DENND2A: variants seen among roughly 807,000 people sequenced by gnomAD.
The protein encoded by DENND2A is DENN domain-containing protein 2A.
Under a neutral mutation model 105.3 loss-of-function variants are expected in DENND2A, and 53 were observed. The observed-to-expected ratio is 0.50, with a 90% CI of 0.40 to 0.63. DENND2A has a LOEUF of 0.63. Ranked by LOEUF, DENND2A falls within the 30% of genes least tolerant of loss-of-function variation. The pLI is 0.00. For missense variants in DENND2A, 1,138 were observed against 1,279.6 expected (o/e 0.89, Z 1.69); for synonymous variants, 522 against 508.4 (o/e 1.03, Z -0.36).
At chr7:140,590,815 T>A (rs975100659) in intron 3 of DENND2A, among the ~76,000 whole-genome samples, 2 of 151,758 alleles carry the variant, frequency 1.3e-5, no homozygotes, top group African/African-American at 4.8e-5. Context: ...CAGGTTGCAG[T>A]GAGCTGAGAT....
chr7:140,620,947 T>C (rs1376972699), intron 1 of DENND2A, among the ~76,000 whole-genome samples: 1 of 152,228 alleles, frequency 6.6e-6, no homozygotes, highest in Non-Finnish European at 1.5e-5. Flanking sequence ...GTCACTCAGA[T>C]ATCAACATTC....
At chr7:140,576,722 C>T (rs1237765421) in intron 5 of DENND2A, among the ~76,000 whole-genome samples, 1 of 152,176 alleles carries the variant, frequency 6.6e-6, no homozygotes, top group African/African-American at 2.4e-5. Context: ...CTCCAAGGAG[C>T]AATAAATTGC....
At chr7:140,558,695 C>CAAAA (rs1232604188) in intron 10 of DENND2A, among the ~76,000 whole-genome samples, 3 of 51,448 alleles carry the variant, frequency 5.8e-5, no homozygotes, top group African/African-American at 1.3e-4. Flanking sequence ...GACTCTATCT[C>CAAAA]AAAAAAAAAA....
At chr7:140,555,183 G>A (rs552820168) in intron 12 of DENND2A, among the ~76,000 whole-genome samples, 7 of 149,946 alleles carry the variant, frequency 4.7e-5, no homozygotes, top group African/African-American at 1.7e-4. Flanking sequence ...ACCCAGGCTG[G>A]AGTGCAATGG....
intron 1 of DENND2A, chr7:140,609,943 A>C (rs1353157258): frequency 1.3e-5 from 2 of 151,940 alleles, no homozygotes; most frequent in Non-Finnish European, 2.9e-5. Flanking sequence ...TCACTACTGC[A>C]TTTGACACTT....
intron 6 of DENND2A, 33 bp from the exon 7 acceptor site, chr7:140,569,771 T>C: frequency 6.8e-7 from 1 of 1,472,468 alleles, no homozygotes; most frequent in South Asian, 1.1e-5. Flanking sequence ...CAGCCAGTGT[T>C]AGCAGCCCAC....
chr7:140,520,605 C>A (rs1164991462), intron 18 of DENND2A, among the ~76,000 whole-genome samples: 1 of 151,786 alleles, frequency 6.6e-6, no homozygotes, highest in African/African-American at 2.4e-5. Context: ...GTCACCCAGG[C>A]TGGAGTGTAA....
intron 1 of DENND2A, among the ~76,000 whole-genome samples, chr7:140,610,614 A>G (rs528421400): frequency 9.2e-5 from 14 of 152,314 alleles, no homozygotes; most frequent in African/African-American, 3.1e-4. Context: ...GGGGCTTAGA[A>G]TTCTAAAATG....
At chr7:140,550,160 G>A (rs949330064) in intron 12 of DENND2A, among the ~76,000 whole-genome samples, 1 of 145,796 alleles carries the variant, frequency 6.9e-6, no homozygotes, top group African/African-American at 2.5e-5. Flanking sequence ...GTTAGGGGAG[G>A]GGGAATGGGA....
chr7:140,602,090 G>C lies in DENND2A; in HGVS notation c.308C>G (p.Thr103Arg), dbSNP rs1245207759. 1.9e-6 allele frequency: 3 copies of C among 1,614,092 alleles called. No individual in the cohort carries two copies. The highest frequency in any genetic ancestry group is 3.3e-5 in the Admixed American group (2 of 60,010). ...ATTCCTCTCCTTCTCTGTGCTCTCT[G>C]TTCCTGGCCTCATTCCATTCTTAGC... ...TEAKNGMRPGTESTEKERNKG... is the reference protein window; with the variant it reads ...TEAKNGMRPGRESTEKERNKG... The change falls in exon 3 of 20, where the codon ACA (threonine) becomes AGA (arginine). Residue 103 changes from threonine to arginine, a missense_variant. By Grantham distance (71) the Thr-to-Arg change is moderately conservative. Coordinates refer to ENST00000496613, the MANE Select transcript of DENND2A (RefSeq NM_015689.5).
At chr7:140,525,440 C>A (rs555732535) in intron 16 of DENND2A, among the ~76,000 whole-genome samples, 33 of 152,272 alleles carry the variant, frequency 2.2e-4, no homozygotes, top group Non-Finnish European at 7.3e-5. Context: ...CAGGTGTAAG[C>A]CACTGCACCC....
At chr7:140,624,440 A>G (rs924561042) in intron 1 of DENND2A, among the ~76,000 whole-genome samples, 2 of 152,198 alleles carry the variant, frequency 1.3e-5, no homozygotes, top group Non-Finnish European at 2.9e-5. Context: ...ACACCAACAC[A>G]GGGAGGGAAC....
At chr7:140,531,561 G>A (rs777171584) in intron 14 of DENND2A, among the ~76,000 whole-genome samples, 4 of 152,060 alleles carry the variant, frequency 2.6e-5, no homozygotes, top group Non-Finnish European at 5.9e-5. Flanking sequence ...CACTTTGGGA[G>A]GCTGAGGCGG....
intron 1 of DENND2A, chr7:140,609,848 A>T (rs1390860294): frequency 6.6e-6 from 1 of 152,144 alleles, no homozygotes; most frequent in Non-Finnish European, 1.5e-5. Context: ...GCTGGGTGGG[A>T]CTGGTCTGAA....
chr7:140,583,027 C>T (rs955674388), intron 5 of DENND2A, among the ~76,000 whole-genome samples: 30 of 152,050 alleles, frequency 2.0e-4, no homozygotes. Context: ...CATGGTGGCT[C>T]ACGCCTGTAA....
chr7:140,621,498 A>G (rs957769722), intron 1 of DENND2A, among the ~76,000 whole-genome samples: 1 of 150,914 alleles, frequency 6.6e-6, no homozygotes, highest in Non-Finnish European at 1.5e-5. Context: ...GCATAACTAC[A>G]TTGTACACAT....
intron 2 of DENND2A, 126 bp from the exon 3 acceptor site, chr7:140,602,668 T>TA (rs201951571): frequency 0.011 from 2,845 of 255,902 alleles, no homozygotes; most frequent in Middle Eastern, 0.017. Context: ...AAATTCCTAT[T>TA]AAAAAAAAAA....
chr7:140,583,704 C>T (rs1338644138), intron 5 of DENND2A, among the ~76,000 whole-genome samples: 1 of 150,188 alleles, frequency 6.7e-6, no homozygotes, highest in East Asian at 1.9e-4. Flanking sequence ...CCAAGGCGGG[C>T]AGATCACAAG....
chr7:140,543,459 C>T (rs1796761266), intron 14 of DENND2A: 1 of 152,028 alleles, frequency 6.6e-6, no homozygotes, highest in South Asian at 2.1e-4. Flanking sequence ...TTTCCTACCA[C>T]ATAGCAGAGT....
Sources: gnomAD v4.1 joint callset for allele counts (sites outside exome capture counted in the v4.1 genomes callset) on GRCh38, gnomAD v4.1.1 for gene constraint, MANE v1.5 for transcripts, NCBI Gene and HGNC (gene_info 2026-07-23, HGNC 2026-07-21) for gene names.